The following DPP10 variants were observed in gnomAD, a reference collection of about 807,000 sequenced individuals.
The protein encoded by DPP10 is inactive dipeptidyl peptidase 10.
A neutral mutation model predicts 120.9 loss-of-function variants in DPP10; 33 were observed. The observed-to-expected ratio is 0.27, with a 90% CI of 0.21 to 0.37. The LOEUF is 0.37. Ranked by LOEUF, DPP10 falls within the 10% of genes least tolerant of loss-of-function variation. DPP10 has a pLI of 1.00. For synonymous variants in DPP10, 337 were observed against 326.1 expected (o/e 1.03, Z -0.36); for missense variants, 816 against 942.8 (o/e 0.87, Z 1.76).
intron 1 of DPP10, among the ~76,000 whole-genome samples, chr2:115,289,860 A>G (rs1268802037): frequency 1.3e-5 from 2 of 152,178 alleles, no homozygotes; most frequent in African/African-American, 4.8e-5. Context: ...GATGGATTAA[A>G]GACGTAAACC....
At chr2:115,449,229 A>T (rs1253180680) in intron 3 of DPP10, among the ~76,000 whole-genome samples, 1 of 152,150 alleles carries the variant, frequency 6.6e-6, no homozygotes, top group Non-Finnish European at 1.5e-5. Flanking sequence ...TTTGGAAAAC[A>T]TTTGATGCAA....
At chr2:114,670,800 A>G (rs996060668) in intron 1 of DPP10, among the ~76,000 whole-genome samples, 3 of 152,184 alleles carry the variant, frequency 2.0e-5, no homozygotes, top group Non-Finnish European at 4.4e-5. Context: ...ATTACCTATC[A>G]TAATAATGCT....
chr2:114,525,415 C>T (rs553161527), intron 1 of DPP10, among the ~76,000 whole-genome samples: 2 of 152,218 alleles, frequency 1.3e-5, no homozygotes, highest in African/African-American at 4.8e-5. Flanking sequence ...ATTGAAGGAA[C>T]ACATGTGTTA....
At chr2:114,885,028 G>T (rs889856870) in intron 1 of DPP10, among the ~76,000 whole-genome samples, 7 of 152,178 alleles carry the variant, frequency 4.6e-5, no homozygotes, top group African/African-American at 1.7e-4. Flanking sequence ...TCAACAAAAC[G>T]TATATTCCCC....
At position 114,698,658 on chromosome 2, in the gene DPP10, A is replaced by T. The variant is rs1573992963; in HGVS notation, c.60+255820A>T. ...TAAGTCAGGAGAACAAGGCTCAATC[A>T]GTCAAGGGATCTTGGAAAGCAAGTG... On this transcript the variant is annotated intron_variant, in intron 1 of 25. Coordinates refer to ENST00000410059, the MANE Select transcript of DPP10 (RefSeq NM_020868.6). 2.0e-5 allele frequency among the ~76,000 whole-genome samples: 3 copies of T among 152,170 alleles called. No individual in the cohort carries two copies. In the East Asian group the frequency reaches 5.8e-4, roughly 30 times the overall value.
chr2:114,578,899 C>A (rs1462900436), intron 1 of DPP10, among the ~76,000 whole-genome samples: 1 of 151,988 alleles, frequency 6.6e-6, no homozygotes, highest in Non-Finnish European at 1.5e-5. Context: ...ACTCAAAACT[C>A]AAATATTAGT....
Position 115,299,120 on chromosome 2 carries a change from G to T in DPP10, c.61-10119G>T, listed in dbSNP as rs973745579. ...TAACTGTAGAAAGACCCTTAGCTTT[G>T]TGTCTATTTAGAGGTCAATTTCAGT... is the stretch of plus-strand genomic sequence containing the variant. On this transcript the variant is annotated intron_variant, in intron 1 of 25. Transcript: ENST00000410059. 4.6e-5 allele frequency among the ~76,000 whole-genome samples: 7 copies of T among 152,048 alleles called. No individual in the cohort carries two copies. In the South Asian group the frequency reaches 1.2e-3, roughly 27 times the overall value.
chr2:115,631,250 T>A (rs191005714), intron 5 of DPP10, among the ~76,000 whole-genome samples: 54 of 152,256 alleles, frequency 3.5e-4, no homozygotes, highest in Admixed American at 3.5e-3. Flanking sequence ...TTTGTATTTC[T>A]TTAGGGTCTG....
intron 5 of DPP10, among the ~76,000 whole-genome samples, chr2:115,651,502 T>C (rs2087767953): frequency 6.6e-6 from 1 of 152,082 alleles, no homozygotes; most frequent in Admixed American, 6.6e-5. Flanking sequence ...ATTTTCATTT[T>C]CAAGTAAAAG....
chr2:115,033,893 C>CTTTTT (rs965717193), intron 1 of DPP10, among the ~76,000 whole-genome samples: 251 of 89,826 alleles, frequency 2.8e-3, no homozygotes, highest in African/African-American at 4.7e-3. Context: ...TTTTCTTTTT[C>CTTTTT]TTTTTTTTTT....
intron 3 of DPP10, among the ~76,000 whole-genome samples, chr2:115,375,791 A>G (rs2065749299): frequency 1.3e-5 from 2 of 152,330 alleles, no homozygotes; most frequent in South Asian, 4.1e-4. Flanking sequence ...AGTGCAAGAG[A>G]GAGAGCAAGG....
chr2:115,676,580 TAA>T (rs767441346), intron 5 of DPP10, among the ~76,000 whole-genome samples: 1 of 152,062 alleles, frequency 6.6e-6, no homozygotes, highest in Non-Finnish European at 1.5e-5. Context: ...ATCAATAGAC[TAA>T]ATTAAGTAGA....
In DPP10 at chr2:115,203,534, A is replaced by AG. The variant is rs1412958826; in HGVS notation, c.61-105702dup. On this transcript the variant is annotated intron_variant, in intron 1 of 25. Transcript: ENST00000410059. ...AACTGAGCTAAATTGATCAGAACTAAGGGTGATATGCTCCCAAACTACTAC... is the reference window on the plus strand; with the variant it reads ...AACTGAGCTAAATTGATCAGAACTAAGGGGTGATATGCTCCCAAACTACTAC... 1.7e-4 allele frequency among the ~76,000 whole-genome samples: 26 copies of AG among 152,276 alleles called. No homozygotes were observed. The South Asian group carries it at 5.2e-3, about 30-fold the overall frequency.
intron 1 of DPP10, among the ~76,000 whole-genome samples, chr2:114,995,829 C>T (rs1287471847): frequency 1.3e-5 from 2 of 152,150 alleles, no homozygotes; most frequent in Non-Finnish European, 2.9e-5. Flanking sequence ...AGTAATCTCT[C>T]CTTTTCATGT....
At chr2:115,828,854 T>C (rs1225316092) in intron 21 of DPP10, among the ~76,000 whole-genome samples, 1 of 152,156 alleles carries the variant, frequency 6.6e-6, no homozygotes, top group African/African-American at 2.4e-5. Context: ...TATATGTCTC[T>C]TTTTGGATTG....
At chr2:115,238,974 G>A (rs1574120591) in intron 1 of DPP10, among the ~76,000 whole-genome samples, 1 of 152,136 alleles carries the variant, frequency 6.6e-6, no homozygotes, top group East Asian at 1.9e-4. Context: ...GATTTTCAAG[G>A]GAAGGAAGCA....
At chr2:115,615,681 G>A (rs997299913) in intron 5 of DPP10, among the ~76,000 whole-genome samples, 7 of 152,086 alleles carry the variant, frequency 4.6e-5, no homozygotes, top group Non-Finnish European at 8.8e-5. Context: ...AGTCATATCT[G>A]TTTAATATGA....
intron 1 of DPP10, among the ~76,000 whole-genome samples, chr2:114,469,732 AAAAC>A (rs1210945821): frequency 1.3e-5 from 2 of 152,198 alleles, no homozygotes; most frequent in African/African-American, 2.4e-5. Flanking sequence ...CATCTCAAAA[AAAAC>A]AAAAATACCA....
intron 3 of DPP10, among the ~76,000 whole-genome samples, chr2:115,476,049 A>C (rs1558721245): frequency 1.3e-5 from 2 of 152,104 alleles, no homozygotes; most frequent in Non-Finnish European, 2.9e-5. Context: ...ACTCTTGAGA[A>C]GATATGATTG....
Sources: gnomAD v4.1 joint callset for allele counts (sites outside exome capture counted in the v4.1 genomes callset) on GRCh38, gnomAD v4.1.1 for gene constraint, MANE v1.5 for transcripts, NCBI Gene and HGNC (gene_info 2026-07-23, HGNC 2026-07-21) for gene names.